ABCG1: variants seen among roughly 807,000 people sequenced by gnomAD.
The protein encoded by ABCG1 is ATP binding cassette subfamily G member 1.
Under a neutral mutation model 69.2 loss-of-function variants are expected in ABCG1, and 29 were observed. The ratio of observed to expected loss-of-function variants is 0.42; its 90% CI spans 0.31 to 0.57. The LOEUF (loss-of-function observed/expected upper bound fraction) is 0.57, where lower values mean the gene tolerates loss of function less well. Ranked by LOEUF, ABCG1 falls within the 20% of genes least tolerant of loss-of-function variation. The pLI is 0.15. For synonymous variants in ABCG1, 370 were observed against 374.8 expected, an observed-to-expected ratio of 0.99 and a Z score of 0.15; for missense variants, 718 against 898.1, an observed-to-expected ratio of 0.80 and a Z score of 2.56.
intron 2 of ABCG1, among the ~76,000 whole-genome samples, chr21:42,237,180 C>A (rs914741790): frequency 5.3e-5 from 8 of 152,340 alleles, no homozygotes; most frequent in Non-Finnish European, 1.2e-4. Context: ...CAGGGGCGTT[C>A]TGTGCTTCTT....
In ABCG1 at chr21:42,273,198, G is replaced by T; in HGVS notation, c.405-105G>T. 1.4e-6 allele frequency: 2 copies of T among 1,478,928 alleles called. No individual in the cohort carries two copies. The highest frequency in any genetic ancestry group is 2.8e-5 in the African/African-American group (2 of 71,466). The allele number at this position is 1,478,928 out of a possible 1,614,324, so 91.6% of individuals were successfully genotyped here. ...CCGTGGCCAGTGGTTCAGCTGGGAA[G>T]ATGCTGGGAGGCAAGCCCCCGTCTC... is the stretch of plus-strand genomic sequence containing the variant. On this transcript the variant is annotated intron_variant, in intron 3 of 14. Transcript: ENST00000398449. This position sits in a 1 kb window ranked among gnomAD's most constrained non-coding sequence, Gnocchi z 5.3.
At chr21:42,243,017 G>A (rs1008338295) in intron 2 of ABCG1, among the ~76,000 whole-genome samples, 6 of 152,200 alleles carry the variant, frequency 3.9e-5, no homozygotes, top group African/African-American at 1.4e-4. Flanking sequence ...TGATGGCCAT[G>A]TGGGAGCCAC....
intron 2 of ABCG1, among the ~76,000 whole-genome samples, chr21:42,238,404 A>G (rs1348699272): frequency 6.6e-6 from 1 of 152,154 alleles, no homozygotes; most frequent in Non-Finnish European, 1.5e-5. Flanking sequence ...GAATCTTTGT[A>G]TGGTTCCTTT....
chr21:42,292,153 T>A (rs1286191820), intron 13 of ABCG1, among the ~76,000 whole-genome samples: 1 of 152,064 alleles, frequency 6.6e-6, no homozygotes, highest in East Asian at 1.9e-4. Flanking sequence ...CTGCAGGTTC[T>A]CTACCTCTGT....
rs1569208088 is a variant in ABCG1, at chr21:42,225,878, T to C, written c.250T>C (p.Tyr84His). The change falls in exon 2 of 15, where the codon TAT becomes CAT. Residue 84 changes from tyrosine (Y) to histidine (H), a missense_variant. This residue lies in a region of ABCG1 where 514 missense variants were observed against 574.3 expected (regional missense o/e 0.90). Coordinates refer to ENST00000398449, the MANE Select transcript of ABCG1 (RefSeq NM_016818.3). ...AVNIEFRDLS[Y>H]SVPEGPWWRK... ...GAACATTGAATTCAGGGACCTTTCC[T>C]ATTCGGTTCCTGAAGGACCCTGGTG... 11 of 1,613,586 alleles carry C rather than the reference T, an allele frequency of 6.8e-6. No individual in the cohort carries two copies. The highest frequency in any genetic ancestry group is 9.3e-6 in the Non-Finnish European group (11 of 1,179,946).
intron 2 of ABCG1, among the ~76,000 whole-genome samples, chr21:42,208,783 T>C (rs1396823834): frequency 6.6e-6 from 1 of 152,224 alleles, no homozygotes; most frequent in African/African-American, 2.4e-5. Context: ...CTTTAAAAAG[T>C]AGTCATGTCT....
intron 2 of ABCG1, among the ~76,000 whole-genome samples, chr21:42,265,923 C>A (rs2068497318): frequency 6.6e-6 from 1 of 152,180 alleles, no homozygotes; most frequent in Non-Finnish European, 1.5e-5. Flanking sequence ...AATCTATAGG[C>A]CTCCCCTTCC....
Position 42,219,328 on chromosome 21 carries a change from G to T in ABCG1, c.42+24G>T, listed in dbSNP as rs748553587. 17 of 1,594,952 alleles carry T rather than the reference G, an allele frequency of 1.1e-5. No homozygotes were observed. Among genetic ancestry groups the T allele is most frequent in the African/African-American group, 5.5e-5 (4 of 73,286 alleles). On this transcript the variant is annotated intron_variant, in intron 1 of 14. Transcript: ENST00000398449. The surrounding 1 kb of genome is among the most constrained non-coding windows in gnomAD (Gnocchi z 5.3). ...TGGTGAGTGAGCGCATCCTTCGTCC[G>T]CCGGGAACGGTTTTATTTTCAAGGA...
intron 2 of ABCG1, among the ~76,000 whole-genome samples, chr21:42,257,782 C>T (rs562779251): frequency 5.9e-5 from 9 of 152,182 alleles, no homozygotes; most frequent in African/African-American, 1.7e-4. Flanking sequence ...CCCTGCACCG[C>T]GAGGCCCATG....
Position 42,285,887 on chromosome 21 carries a change from T to G in ABCG1, c.866T>G (p.Val289Gly). 6.2e-7 allele frequency: 1 copy of G among 1,613,096 alleles called. No individual in the cohort carries two copies. Residue 289 changes from valine to glycine, a missense_variant, in exon 8 of 15, where the codon GTC (valine) becomes GGC (glycine). Physicochemically the swap from Val to Gly is moderately radical, Grantham distance 109. This residue lies in a region of ABCG1 where 514 missense variants were observed against 574.3 expected (regional missense o/e 0.90). Coordinates refer to ENST00000398449, the MANE Select transcript of ABCG1 (RefSeq NM_016818.3). ...CTCCTTCCTTTTTTCCAGCTTTACG[T>G]CCTGAGTCAAGGACAATGTGTGTAC... ...KLFELFDQLY[V>G]LSQGQCVYRG...
intron 2 of ABCG1, among the ~76,000 whole-genome samples, chr21:42,233,251 A>C (rs1445382622): frequency 6.6e-6 from 1 of 152,134 alleles, no homozygotes. Context: ...AAAGTAAGAC[A>C]CACCAGGGTG....
In ABCG1 at chr21:42,285,183, A is replaced by C. The variant is rs889390975; in HGVS notation, c.858+500A>C. ...ATTAATAACAGGTTACAGCATTTGC[A>C]CAGTATCATTTGGTTTATAAATCTT... On this transcript the variant is annotated intron_variant, in intron 7 of 14. Transcript: ENST00000398449. Among the ~76,000 whole-genome samples, 12 of 152,258 alleles carry C rather than the reference A, an allele frequency of 7.9e-5. No individual in the cohort carries two copies. The Middle Eastern group carries it at 0.01, about 129-fold the overall frequency.
At chr21:42,274,326 G>C (rs568984271) in intron 4 of ABCG1, among the ~76,000 whole-genome samples, 71 of 152,294 alleles carry the variant, frequency 4.7e-4, no homozygotes, top group African/African-American at 1.6e-3. Context: ...GATAAATCCA[G>C]TATTTGGGGA....
intron 1 of ABCG1, among the ~76,000 whole-genome samples, chr21:42,224,458 G>C (rs2067781976): frequency 6.6e-6 from 1 of 152,162 alleles, no homozygotes; most frequent in Admixed American, 6.5e-5. Context: ...CACCCTCCCA[G>C]CTCTGCTCGG....
intron 2 of ABCG1, among the ~76,000 whole-genome samples, chr21:42,243,900 G>A (rs1160923770): frequency 2.2e-5 from 3 of 134,498 alleles, no homozygotes; most frequent in African/African-American, 8.5e-5. Context: ...CTCACTGCAA[G>A]CTCCGCCTCC....
chr21:42,261,194 C>T (rs559128365), intron 2 of ABCG1, among the ~76,000 whole-genome samples: 4 of 151,782 alleles, frequency 2.6e-5, no homozygotes, highest in Non-Finnish European at 4.4e-5. Context: ...GTCCTCCTTC[C>T]CCCTCTCCAC....
At chr21:42,213,109 G>A (rs1006862169), upstream of ABCG1, among the ~76,000 whole-genome samples, 8 of 152,250 alleles carry the variant, frequency 5.3e-5, no homozygotes, top group South Asian at 2.1e-4. Flanking sequence ...CCAAACTAGC[G>A]TTTCAGGCAG....
Position 42,285,880 on chromosome 21 carries a change from C to T in ABCG1, c.859C>T (p.Leu287Phe). 2 of 1,610,624 alleles carry T rather than the reference C, an allele frequency of 1.2e-6. No individual in the cohort carries two copies. The highest frequency in any genetic ancestry group is 1.7e-6 in the Non-Finnish European group (2 of 1,177,278). The change falls in exon 8 of 15, where the codon CTT becomes TTT. Residue 287 changes from leucine (L) to phenylalanine (F), a missense_variant and splice_region_variant. Leu to Phe is a conservative substitution (Grantham distance 22, BLOSUM62 0). Coordinates refer to ENST00000398449, the MANE Select transcript of ABCG1 (RefSeq NM_016818.3). ...CCTTTTTCTCCTTCCTTTTTTCCAG[C>T]TTTACGTCCTGAGTCAAGGACAATG... Reference protein sequence around the residue: ...SAKLFELFDQLYVLSQGQCVY... With the variant: ...SAKLFELFDQFYVLSQGQCVY...
chr21:42,268,834 TC>T (rs1332106606), intron 2 of ABCG1, among the ~76,000 whole-genome samples: 1 of 152,132 alleles, frequency 6.6e-6, no homozygotes, highest in African/African-American at 2.4e-5. Context: ...GCTCCCAGCC[TC>T]CATGCCATGT....
Sources: allele counts gnomAD v4.1 joint callset (sites outside exome capture counted in the v4.1 genomes callset), GRCh38; gene constraint gnomAD v4.1.1; regional missense constraint gnomAD v4.1.1; non-coding constraint Gnocchi (gnomAD v3.1); transcripts MANE v1.5; gene names NCBI Gene and HGNC (gene_info 2026-07-23, HGNC 2026-07-21).